The following KCNC4 variants were observed in gnomAD, a reference collection of about 807,000 sequenced individuals.
The protein encoded by KCNC4 is voltage-gated potassium channel KCNC4.
A neutral mutation model predicts 42.8 loss-of-function variants in KCNC4; 23 were observed. That is an observed-to-expected ratio of 0.54 (90% CI 0.39 to 0.76). The LOEUF is 0.76. Among genes scored for constraint, KCNC4 ranks in the 30% least tolerant of loss-of-function variants. The pLI is 0.00. For synonymous variants in KCNC4, 422 were observed against 393.5 expected, an observed-to-expected ratio of 1.07 and a Z score of -0.86; for missense variants, 751 against 898.2, an observed-to-expected ratio of 0.84 and a Z score of 2.10.
downstream of KCNC4, chr1:110,234,652 T>G (rs1658859146): frequency 6.6e-6 from 1 of 152,238 alleles, no homozygotes; most frequent in Non-Finnish European, 1.5e-5. Flanking sequence ...GTGCAACCTG[T>G]GCAGCCACTC....
At chr1:110,227,586 G>A (rs1042193872) in intron 3 of KCNC4, among the ~76,000 whole-genome samples, 3 of 152,302 alleles carry the variant, frequency 2.0e-5, no homozygotes, top group South Asian at 2.1e-4. Context: ...CCTGGATTTG[G>A]CCTTCTCTCC....
At chr1:110,276,455 A>G (rs912763834) in intron 1 of KCNC4, among the ~76,000 whole-genome samples, 2 of 152,122 alleles carry the variant, frequency 1.3e-5, no homozygotes, top group Non-Finnish European at 2.9e-5. Context: ...CAGCTTTTTC[A>G]GAAGGAGAGG....
chr1:110,278,278 C>T (rs1007680896), intron 1 of KCNC4, among the ~76,000 whole-genome samples: 4 of 152,128 alleles, frequency 2.6e-5, no homozygotes, highest in Non-Finnish European at 5.9e-5. Context: ...CTTTCTGGAC[C>T]TCAGTTTCTT....
chr1:110,212,992 C>T (rs887781255), intron 1 of KCNC4, among the ~76,000 whole-genome samples: 1 of 151,928 alleles, frequency 6.6e-6, no homozygotes, highest in Admixed American at 6.5e-5. Context: ...CACAAACTGT[C>T]TTTCCAGAAA....
intron 3 of KCNC4, chr1:110,232,538 A>G (rs1211767054): frequency 7.0e-7 from 1 of 1,434,876 alleles, no homozygotes; most frequent in Admixed American, 2.8e-5. Context: ...TCTCCACTGC[A>G]CTGGAGCTTT....
At chr1:110,218,274 A>G (rs896881544) in intron 1 of KCNC4, among the ~76,000 whole-genome samples, 1 of 152,150 alleles carries the variant, frequency 6.6e-6, no homozygotes, top group Non-Finnish European at 1.5e-5. Context: ...AAACAACTGT[A>G]CCAGGTAGAT....
intron 1 of KCNC4, among the ~76,000 whole-genome samples, chr1:110,258,350 G>GC (rs1487279693): frequency 6.6e-6 from 1 of 152,060 alleles, no homozygotes; most frequent in Non-Finnish European, 1.5e-5. Context: ...CGATTCTCCT[G>GC]CCTCCGCCTC....
At chr1:110,215,850 C>A (rs1557853168) in intron 1 of KCNC4, among the ~76,000 whole-genome samples, 1 of 152,228 alleles carries the variant, frequency 6.6e-6, no homozygotes, top group Non-Finnish European at 1.5e-5. Context: ...AGGATCCAAA[C>A]CTAGGTCTCA....
intron 2 of KCNC4, chr1:110,224,198 T>C (rs1467331380): frequency 5.6e-6 from 2 of 357,344 alleles, no homozygotes; most frequent in Non-Finnish European, 1.0e-5. Context: ...TCTTGGCCAC[T>C]GTGCTGTGTG....
intron 1 of KCNC4, among the ~76,000 whole-genome samples, chr1:110,217,300 G>A (rs1295361955): frequency 2.6e-5 from 4 of 152,182 alleles, no homozygotes; most frequent in South Asian, 2.1e-4. Context: ...GTTCAGAGAG[G>A]CTTCCACAAG....
chr1:110,237,330 AT>A (rs1025231847), downstream of KCNC4: 1 of 152,158 alleles, frequency 6.6e-6, no homozygotes, highest in African/African-American at 2.4e-5. Flanking sequence ...AATACAAGGT[AT>A]TGGAAACCAT....
chr1:110,248,815 A>T (rs1659202034), exon 4 of KCNC4: 1 of 152,252 alleles, frequency 6.6e-6, no homozygotes, highest in African/African-American at 2.4e-5. Flanking sequence ...TAAATGTTGA[A>T]TGAATAAGAA....
chr1:110,269,047 G>A (rs1473548461), intron 1 of KCNC4, among the ~76,000 whole-genome samples: 1 of 152,132 alleles, frequency 6.6e-6, no homozygotes, highest in Non-Finnish European at 1.5e-5. Context: ...TTTCTTTGCT[G>A]CAACAACCTG....
rs1198854096 is a variant in KCNC4 at position 110,212,184 on chromosome 1, G to A, written c.678+7G>A. 2.7e-6 allele frequency: 4 copies of A among 1,477,588 alleles called. No homozygotes were observed. In the African/African-American group the frequency reaches 5.9e-5, roughly 22 times the overall value. The allele number at this position is 1,477,588 out of a possible 1,614,324, so 91.5% of individuals were successfully genotyped here. ...CTCCTCCCGGGCCGCTAGGGTGAGT[G>A]GCAGGAGCCCGTGTCTCCCCATCTT... is the stretch of plus-strand genomic sequence containing the variant. On this transcript the variant is annotated splice_region_variant and intron_variant, in intron 1 of 3. Coordinates refer to ENST00000438661, the MANE Select transcript of KCNC4 (RefSeq NM_001039574.3).
intron 1 of KCNC4, among the ~76,000 whole-genome samples, chr1:110,276,351 G>A (rs1290096818): frequency 1.2e-4 from 18 of 147,172 alleles, no homozygotes; most frequent in Non-Finnish European, 7.4e-5. Flanking sequence ...ACCTTTATAC[G>A]TGAAGAATGG....
chr1:110,214,823 C>T (rs1657685827), intron 1 of KCNC4, among the ~76,000 whole-genome samples: 1 of 152,206 alleles, frequency 6.6e-6, no homozygotes, highest in East Asian at 1.9e-4. Flanking sequence ...TCAGAAAACC[C>T]AGGGGCAGAT....
intron 1 of KCNC4, chr1:110,257,053 A>G (rs1049506226): frequency 1.3e-5 from 2 of 153,552 alleles, no homozygotes; most frequent in African/African-American, 4.8e-5. Flanking sequence ...TTTCCCCTCC[A>G]TGGAACACTG....
rs1658228668 is a variant in KCNC4, at chr1:110,223,608, CAT to C, written c.1324_1325del (p.Met442ValfsTer69). The C allele has an allele frequency of 6.2e-7, 1 of 1,614,094 alleles. No individual in the cohort carries two copies. The highest frequency in any genetic ancestry group is 1.1e-5 in the South Asian group (1 of 91,082). On this transcript the variant is annotated frameshift_variant, in exon 2 of 4. Transcript: ENST00000438661. LOFTEE classifies it high-confidence loss of function. This position sits in a 1 kb window ranked among gnomAD's most constrained non-coding sequence, Gnocchi z 7.5. The stretch of plus-strand genomic sequence containing the variant: ...CCATGACGACACTGGGCTACGGAGA[CAT>C]GTACCCCAAGACGTGGTCAGGCATG... ...VTMTTLGYGD[M>X]YPKTWSGMLV... is the part of the protein sequence containing the mutation.
intron 3 of KCNC4, among the ~76,000 whole-genome samples, chr1:110,227,367 C>T (rs1205172422): frequency 6.6e-6 from 1 of 152,230 alleles, no homozygotes; most frequent in South Asian, 2.1e-4. Context: ...CATGGAAGCC[C>T]CAGGCCACCC....
Sources: allele counts gnomAD v4.1 joint callset (sites outside exome capture counted in the v4.1 genomes callset), GRCh38; gene constraint gnomAD v4.1.1; non-coding constraint Gnocchi (gnomAD v3.1); transcripts MANE v1.5; gene names NCBI Gene and HGNC (gene_info 2026-07-23, HGNC 2026-07-21).